MTRF1: variants seen among roughly 807,000 people sequenced by gnomAD.
MTRF1 encodes mitochondrial translation release factor 1.
A neutral mutation model predicts 62.9 loss-of-function variants in MTRF1; 51 were observed. The ratio of observed to expected loss-of-function variants is 0.81; its 90% CI spans 0.65 to 1.02. MTRF1 has a LOEUF of 1.02. MTRF1 is among the 50% of genes least tolerant of loss of function. MTRF1 has a pLI of 0.00. For synonymous variants in MTRF1, 158 were observed against 181.9 expected, an observed-to-expected ratio of 0.87 and a Z score of 1.06; for missense variants, 446 against 530.0, an observed-to-expected ratio of 0.84 and a Z score of 1.56.
chr13:41,220,901 C>T (rs2033194440), intron 9 of MTRF1, among the ~76,000 whole-genome samples: 1 of 152,076 alleles, frequency 6.6e-6, no homozygotes, highest in African/African-American at 2.4e-5. Context: ...TTTGGGTGTC[C>T]ACTCCAAACA....
rs148119986 is a variant in MTRF1, at chr13:41,231,435, T to C, written c.988+2455A>G. 9.5e-3 allele frequency among the ~76,000 whole-genome samples: 1,446 copies of C among 152,252 alleles called. 22 individuals carry two copies. Among genetic ancestry groups the C allele is most frequent in the African/African-American group, 0.033 (1,360 of 41,540 alleles). ...AAAATTCCAGACCTGGGACTAGTTATAAGGGAGGGCAAGTATGGAGTATGG... is the reference window on the plus strand; with the variant it reads ...AAAATTCCAGACCTGGGACTAGTTACAAGGGAGGGCAAGTATGGAGTATGG... On this transcript the variant is annotated intron_variant, in intron 7 of 9. Transcript: ENST00000379480.
chr13:41,244,526 G>C (rs1346682840), intron 5 of MTRF1, among the ~76,000 whole-genome samples: 1 of 152,184 alleles, frequency 6.6e-6, no homozygotes, highest in Non-Finnish European at 1.5e-5. Flanking sequence ...CAGGATCCCT[G>C]CCTGCTGGTA....
the MTRF1 span, among the ~76,000 whole-genome samples, chr13:41,286,553 A>G: frequency 1.3e-5 from 2 of 152,208 alleles, no homozygotes; most frequent in Non-Finnish European, 1.5e-5. Context: ...CAATTGTTTT[A>G]CCCATGACAT....
At chr13:41,256,285 G>A (rs892785774) in intron 2 of MTRF1, among the ~76,000 whole-genome samples, 7 of 152,020 alleles carry the variant, frequency 4.6e-5, no homozygotes, top group South Asian at 4.1e-4. Context: ...CCTGGCTAAG[G>A]TGTCATCAGA....
rs567895922 is a variant in MTRF1, at chr13:41,225,227, A to AC, written c.1125+1204_1125+1205insG. Reference sequence around the variant, plus strand: ...TCTGTCTCAAAAAAAAAAAAAAAAAAACTTTGTGCAACGCCTGGTGCCAAA... The same window carrying AC: ...TCTGTCTCAAAAAAAAAAAAAAAAAACACTTTGTGCAACGCCTGGTGCCAAA... On this transcript the variant is annotated intron_variant, in intron 8 of 9. Coordinates refer to ENST00000379480, the MANE Select transcript of MTRF1 (RefSeq NM_004294.4). Among the ~76,000 whole-genome samples, 761 of 151,638 alleles carry AC rather than the reference A, an allele frequency of 5.0e-3. 8 individuals are homozygous for AC. Among genetic ancestry groups the AC allele is most frequent in the African/African-American group, 0.017 (707 of 41,246 alleles).
At chr13:41,228,295 G>A (rs2034839796) in intron 7 of MTRF1, among the ~76,000 whole-genome samples, 1 of 152,130 alleles carries the variant, frequency 6.6e-6, no homozygotes, top group African/African-American at 2.4e-5. Context: ...GGCTGGGCAC[G>A]ATGGCTCACA....
Position 41,254,619 on chromosome 13 carries a change from G to T in MTRF1, c.417C>A (p.Ser139Arg). Residue 139 changes from serine to arginine, a missense_variant and splice_region_variant, in exon 3 of 10, where the codon AGC becomes AGA. By Grantham distance (110) the Ser-to-Arg change is moderately radical. Coordinates refer to ENST00000379480, the MANE Select transcript of MTRF1 (RefSeq NM_004294.4). The part of the protein sequence containing the change: ...AIEELESMCK[S>R]LNKQDEKQLQ... ...ACTGCTTTTCATCTTGTTTATTTAG[G>T]CCTAAAAGCCAGAAACAGAAATAAT... 1 of 1,609,132 alleles carries T rather than the reference G, an allele frequency of 6.2e-7. No individual in the cohort carries two copies. The highest frequency in any genetic ancestry group is 8.5e-7 in the Non-Finnish European group (1 of 1,176,540).
At chr13:41,290,812 G>C in the MTRF1 span, among the ~76,000 whole-genome samples, 32 of 151,482 alleles carry the variant, frequency 2.1e-4, no homozygotes, top group African/African-American at 7.5e-4. Flanking sequence ...TTTTGTAGAG[G>C]CTGGACGCAG....
At chr13:41,255,671 G>A (rs9594508) in intron 2 of MTRF1, among the ~76,000 whole-genome samples, 11,750 of 152,170 alleles carry the variant, frequency 0.077, 555 homozygotes, top group African/African-American at 0.12. Context: ...CAGCCTGGGT[G>A]ACAGAGAAAG....
At chr13:41,254,166 CA>C (rs1422384955) in intron 3 of MTRF1, among the ~76,000 whole-genome samples, 3 of 152,164 alleles carry the variant, frequency 2.0e-5, no homozygotes, top group Non-Finnish European at 2.9e-5. Context: ...ATCCAGAGTG[CA>C]AATTTCCAAT....
At chr13:41,221,762 CT>C (rs1184052546) in intron 9 of MTRF1, among the ~76,000 whole-genome samples, 1 of 152,138 alleles carries the variant, frequency 6.6e-6, no homozygotes, top group Non-Finnish European at 1.5e-5. Flanking sequence ...TACTATGCAC[CT>C]ATGGTCCCAT....
intron 2 of MTRF1, among the ~76,000 whole-genome samples, chr13:41,255,440 C>A (rs1230762009): frequency 6.6e-6 from 1 of 152,098 alleles, no homozygotes; most frequent in Non-Finnish European, 1.5e-5. Context: ...GCCTGTAATC[C>A]CAGCACTTTG....
At chr13:41,222,737 G>A (rs924682388) in intron 9 of MTRF1, among the ~76,000 whole-genome samples, 2 of 152,328 alleles carry the variant, frequency 1.3e-5, no homozygotes, top group East Asian at 3.9e-4. Context: ...TCCTACAATC[G>A]AAGGCAATGG....
upstream of MTRF1, among the ~76,000 whole-genome samples, chr13:41,266,898 G>T (rs1219146346): frequency 6.6e-6 from 1 of 151,290 alleles, no homozygotes; most frequent in Non-Finnish European, 1.5e-5. Context: ...GGGAGGCTGA[G>T]GCAGGAGAAT....
intron 2 of MTRF1, among the ~76,000 whole-genome samples, chr13:41,257,509 A>G (rs2039883586): frequency 6.6e-6 from 1 of 152,174 alleles, no homozygotes; most frequent in Non-Finnish European, 1.5e-5. Flanking sequence ...TTGGGTTCAA[A>G]TCCTTGCTTC....
rs199664350 is a variant in MTRF1, at chr13:41,240,232, G to A, written c.870+29C>T. On this transcript the variant is annotated intron_variant, in intron 6 of 9. Transcript: ENST00000379480. ...AGCACAATACCCGTTGACATGGAGT[G>A]AGTTTCCCTTGCCTCCTCCTGAGGT... is the stretch of plus-strand genomic sequence containing the variant. 6.4e-6 allele frequency: 10 copies of A among 1,572,778 alleles called. No homozygotes were observed. The East Asian group carries it at 2.3e-4, about 36-fold the overall frequency.
intron 9 of MTRF1, 59 bp from the exon 10 acceptor site, chr13:41,217,287 A>G (rs1002924650): frequency 5.2e-6 from 5 of 970,180 alleles, no homozygotes; most frequent in Non-Finnish European, 6.4e-6. Context: ...CAAAGACTTT[A>G]GTGTTTATTT....
At chr13:41,295,831 G>C in the MTRF1 span, among the ~76,000 whole-genome samples, 1 of 152,264 alleles carries the variant, frequency 6.6e-6, no homozygotes, top group Middle Eastern at 3.4e-3. Flanking sequence ...GCCCAGGCTG[G>C]AGTACAGTTG....
intron 2 of MTRF1, among the ~76,000 whole-genome samples, chr13:41,259,120 GT>G (rs1434238926): frequency 6.6e-6 from 1 of 152,176 alleles, no homozygotes; most frequent in Admixed American, 6.6e-5. Flanking sequence ...GATAATAAGT[GT>G]TGGCAAGTAC....
Sources: gnomAD v4.1 joint callset for allele counts (sites outside exome capture counted in the v4.1 genomes callset) on GRCh38, gnomAD v4.1.1 for gene constraint, MANE v1.5 for transcripts, NCBI Gene and HGNC (gene_info 2026-07-23, HGNC 2026-07-21) for gene names.